Variants in DBNL observed in about 807,000 individuals in gnomAD.
The protein encoded by DBNL is drebrin like.
DBNL carries 35 observed loss-of-function variants against 62.2 expected under a neutral mutation model. The ratio of observed to expected loss-of-function variants is 0.56; its 90% confidence interval spans 0.43 to 0.75. The LOEUF (loss-of-function observed/expected upper bound fraction) is 0.75. Among genes scored for constraint, DBNL ranks in the 30% least tolerant of loss-of-function variants. The pLI, the probability that DBNL is intolerant of heterozygous loss-of-function variation, is 0.00. For synonymous variants in DBNL, 197 were observed against 218.0 expected (o/e 0.90, Z 0.85); for missense variants, 495 against 578.4 (o/e 0.86, Z 1.48).
Position 44,068,511 on chromosome 7 carries a change from G to A in DBNL, c.*7595G>A, listed in dbSNP as rs2096163834. 1 of 152,194 alleles carries A rather than the reference G, an allele frequency of 6.6e-6. No individual in the cohort carries two copies. The highest frequency in any genetic ancestry group is 2.4e-5 in the African/African-American group (1 of 41,446). The allele number at this position is 152,194 out of a possible 1,614,324, so 9.4% of individuals were successfully genotyped here. Reference sequence around the variant, plus strand: ...AACATTCTGCTTAGGATTTAAACAAGGTCCAGAGTCTCAACATAATATTTA... The same window carrying A: ...AACATTCTGCTTAGGATTTAAACAAAGTCCAGAGTCTCAACATAATATTTA... On this transcript the variant is annotated 3_prime_UTR_variant, in exon 13 of 13. Coordinates refer to ENST00000448521, the MANE Select transcript of DBNL (RefSeq NM_001014436.3).
chr7:44,058,669 AC>A, intron 8 of DBNL, 189 bp downstream of exon 8: 1 of 886,716 alleles, frequency 1.1e-6, no homozygotes, highest in African/African-American at 1.7e-5. Context: ...TCGGGCTTGG[AC>A]CACACCTGGT....
At position 44,065,024 on chromosome 7, in the gene DBNL, A is replaced by G; in HGVS notation, c.*4108A>G. 6.2e-7 allele frequency: 1 copy of G among 1,606,468 alleles called. No individual in the cohort carries two copies. Among genetic ancestry groups the G allele is most frequent in the South Asian group, 1.1e-5 (1 of 90,866 alleles). Reference sequence around the variant, plus strand: ...GCGTACCGACGCTCCTGGGGGACACAGGCACGCTGCTTTCCCTCCCAAGCC... The same window carrying G: ...GCGTACCGACGCTCCTGGGGGACACGGGCACGCTGCTTTCCCTCCCAAGCC... On this transcript the variant is annotated 3_prime_UTR_variant, in exon 13 of 13. Transcript: ENST00000448521.
chr7:44,058,511 C>CT, intron 8 of DBNL, 31 bp downstream of exon 8: 1 of 1,612,402 alleles, frequency 6.2e-7, no homozygotes, highest in Non-Finnish European at 8.5e-7. Context: ...TTGTTTGGAC[C>CT]TGTCCTGGCC....
At chr7:44,051,796 G>A in intron 2 of DBNL, 34 bp from the exon 3 acceptor site, 1 of 1,609,174 alleles carries the variant, frequency 6.2e-7, no homozygotes, top group Non-Finnish European at 8.5e-7. Flanking sequence ...GAATGTCAGG[G>A]CCACCCCTGA....
At chr7:44,050,122 C>T (rs1470283095) in intron 1 of DBNL, 103 bp from the exon 2 acceptor site, 1 of 1,340,694 alleles carries the variant, frequency 7.5e-7, no homozygotes, top group Non-Finnish European at 1.1e-6. Flanking sequence ...GTGTTACTGT[C>T]AGCCCAAGCT....
Position 44,063,239 on chromosome 7 carries a change from G to T in DBNL, c.*2323G>T. On this transcript the variant is annotated 3_prime_UTR_variant, in exon 13 of 13. Transcript: ENST00000448521. ...GACTCCAGCCAGACTGAAGTTGAGG[G>T]TCAGGAAGGGACACTCACCCTTTGT... 1 of 451,800 alleles carries T rather than the reference G, an allele frequency of 2.2e-6. No homozygotes were observed. Among genetic ancestry groups the T allele is most frequent in the Non-Finnish European group, 4.1e-6 (1 of 245,342 alleles). 28.0% of individuals were successfully genotyped at this position (451,800 alleles called of 1,614,324 possible).
rs759854377 is a variant in DBNL at position 44,068,154 on chromosome 7, C to G, written c.*7238C>G. ...TCTAGAGGAGCCATGGCCCCAAAAG[C>G]ATGGGGCAACCACCTTCTGCAGCTC... On this transcript the variant is annotated 3_prime_UTR_variant, in exon 13 of 13. Coordinates refer to ENST00000448521, the MANE Select transcript of DBNL (RefSeq NM_001014436.3). 2 of 152,248 alleles carry G rather than the reference C, an allele frequency of 1.3e-5. No homozygotes were observed. Among genetic ancestry groups the G allele is most frequent in the Non-Finnish European group, 2.9e-5 (2 of 68,066 alleles). The allele number at this position is 152,248 out of a possible 1,614,324, so 9.4% of individuals were successfully genotyped here.
intron 2 of DBNL, 170 bp downstream of exon 2, chr7:44,050,450 C>T (rs1411994965): frequency 1.0e-5 from 6 of 587,270 alleles, no homozygotes; most frequent in Non-Finnish European, 1.8e-5. Context: ...AAACATTCCT[C>T]CTTGGTTCTC....
At chr7:44,046,273 C>T (rs752640903) in intron 1 of DBNL, among the ~76,000 whole-genome samples, 2 of 152,202 alleles carry the variant, frequency 1.3e-5, no homozygotes, top group Non-Finnish European at 2.9e-5. Context: ...CTCTTGATCA[C>T]TCTGTTTACC....
At position 44,065,058 on chromosome 7, in the gene DBNL, C is replaced by A; in HGVS notation, c.*4142C>A. 6.2e-7 allele frequency: 1 copy of A among 1,610,136 alleles called. No individual in the cohort carries two copies. The highest frequency in any genetic ancestry group is 1.1e-5 in the South Asian group (1 of 91,014). The stretch of plus-strand genomic sequence containing the variant: ...GCTTTCCCTCCCAAGCCAGTGGGCC[C>A]CCACCCGACTCCCCACTCTGCAGCT... On this transcript the variant is annotated 3_prime_UTR_variant, in exon 13 of 13. Coordinates refer to ENST00000448521, the MANE Select transcript of DBNL (RefSeq NM_001014436.3).
Position 44,062,874 on chromosome 7 carries a change from A to G in DBNL, c.*1958A>G. On this transcript the variant is annotated 3_prime_UTR_variant, in exon 13 of 13. Transcript: ENST00000448521. ...GGCTTCAGCTCCTTGTTCAGCTCAT[A>G]CACAATGGGGATCCCCGTGGGCAGG... is the stretch of plus-strand genomic sequence containing the variant. The G allele has an allele frequency of 6.2e-7, 1 of 1,614,188 alleles. No homozygotes were observed. The highest frequency in any genetic ancestry group is 8.5e-7 in the Non-Finnish European group (1 of 1,180,032).
chr7:44,053,904 C>T (rs1380715818), intron 4 of DBNL, among the ~76,000 whole-genome samples: 1 of 152,116 alleles, frequency 6.6e-6, no homozygotes, highest in Non-Finnish European at 1.5e-5. Context: ...TCTCGATCTC[C>T]TGACCTCGTG....
In DBNL at chr7:44,054,776, T is replaced by G. The variant is rs982464060; in HGVS notation, c.327+1835T>G. Among the ~76,000 whole-genome samples the G allele has an allele frequency of 5.3e-5, 8 of 152,224 alleles. No individual in the cohort carries two copies. In the South Asian group the frequency reaches 1.2e-3, roughly 24 times the overall value. On this transcript the variant is annotated intron_variant, in intron 4 of 12. Coordinates refer to ENST00000448521, the MANE Select transcript of DBNL (RefSeq NM_001014436.3). The stretch of plus-strand genomic sequence containing the variant: ...TTTTGTACCTGTTAAGCAACTTCTC[T>G]TCATTTTCTCTCCCCCATGCCCTTC...
At chr7:44,053,041 G>T in intron 4 of DBNL, 100 bp downstream of exon 4, 1 of 1,446,484 alleles carries the variant, frequency 6.9e-7, no homozygotes, top group Non-Finnish European at 9.4e-7. Context: ...AACTGGAGTT[G>T]GGAGTGTGCT....
rs1586000039 is a variant in DBNL, at chr7:44,063,172, T to G, written c.*2256T>G. 1 of 558,764 alleles carries G rather than the reference T, an allele frequency of 1.8e-6. No individual in the cohort carries two copies. Among genetic ancestry groups the G allele is most frequent in the Non-Finnish European group, 3.3e-6 (1 of 306,486 alleles). 34.6% of individuals were successfully genotyped at this position (558,764 alleles called of 1,614,324 possible). A position where few individuals can be genotyped will look rare whatever the true frequency, so the allele number is the denominator to read the frequency against. On this transcript the variant is annotated 3_prime_UTR_variant, in exon 13 of 13. Transcript: ENST00000448521. ...GACTTCAGCCCCACCCAAGTGGCTG[T>G]GATCTGTGGTGGTGCTGTCCATAGT...
Position 44,059,334 on chromosome 7 carries a change from A to G in DBNL, c.836-20A>G, listed in dbSNP as rs1269885662. The G allele has an allele frequency of 6.2e-7, 1 of 1,613,050 alleles. No homozygotes were observed. The highest frequency in any genetic ancestry group is 1.3e-5 in the African/African-American group (1 of 74,990). On this transcript the variant is annotated intron_variant, in intron 9 of 12. Coordinates refer to ENST00000448521, the MANE Select transcript of DBNL (RefSeq NM_001014436.3). The surrounding 1 kb of genome is among the most constrained non-coding windows in gnomAD (Gnocchi z 4.1). ...TGGTGGTGTTTCTGAAGTGATGTAT[A>G]TATTTACCCGGGTTTGCAGGCAAGC...
chr7:44,058,808 G>A, intron 8 of DBNL, 94 bp from the exon 9 acceptor site: 2 of 1,440,482 alleles, frequency 1.4e-6, no homozygotes, highest in Non-Finnish European at 1.9e-6. Context: ...TCACCTTTGA[G>A]GGGCTACTGG....
In DBNL at chr7:44,065,872, T is replaced by G; in HGVS notation, c.*4956T>G. On this transcript the variant is annotated 3_prime_UTR_variant, in exon 13 of 13. Coordinates refer to ENST00000448521, the MANE Select transcript of DBNL (RefSeq NM_001014436.3). ...AAGTCTGGGCCAGGGGAGATGGGGA[T>G]AGCAGGGACAGAGGGGCTCTCCAGG... The G allele has an allele frequency of 4.6e-6, 2 of 437,772 alleles. No homozygotes were observed. The highest frequency in any genetic ancestry group is 4.9e-5 in the East Asian group (1 of 20,538). 27.1% of individuals were successfully genotyped at this position (437,772 alleles called of 1,614,324 possible). A position where few individuals can be genotyped will look rare whatever the true frequency, so the allele number is the denominator to read the frequency against.
chr7:44,064,793 GCCCA>G lies in DBNL; in HGVS notation c.*3885_*3888del. ...AGATGAGAAGCCAGCTGGGGCTGCT[GCCCA>G]CCCACCCTGCCCAGGCTCCTGAAGG... On this transcript the variant is annotated 3_prime_UTR_variant, in exon 13 of 13. Transcript: ENST00000448521. 1.8e-6 allele frequency: 2 copies of G among 1,136,974 alleles called. No homozygotes were observed. Among genetic ancestry groups the G allele is most frequent in the Non-Finnish European group, 2.6e-6 (2 of 773,392 alleles). The allele number at this position is 1,136,974 out of a possible 1,614,324, so 70.4% of individuals were successfully genotyped here. A position where few individuals can be genotyped will look rare whatever the true frequency, so the allele number is the denominator to read the frequency against.
Sources: gnomAD v4.1 joint callset for allele counts (sites outside exome capture counted in the v4.1 genomes callset) on GRCh38, gnomAD v4.1.1 for gene constraint, Gnocchi (gnomAD v3.1) non-coding constraint, MANE v1.5 for transcripts, NCBI Gene and HGNC (gene_info 2026-07-23, HGNC 2026-07-21) for gene names.